Variants in DOCK3 observed in about 807,000 individuals in gnomAD.
DOCK3 encodes the protein dedicator of cytokinesis protein 3.
DOCK3 carries 60 observed loss-of-function variants against 265.6 expected under a neutral mutation model. That is an observed-to-expected ratio of 0.23 (90% CI 0.18 to 0.28). The LOEUF (loss-of-function observed/expected upper bound fraction) is 0.28, where lower values mean the gene tolerates loss of function less well. Ranked by LOEUF, DOCK3 falls within the 10% of genes least tolerant of loss-of-function variation. The pLI, the probability that DOCK3 is intolerant of heterozygous loss-of-function variation, is 1.00. For missense variants in DOCK3, 1,981 were observed against 2,594.3 expected, an observed-to-expected ratio of 0.76 and a Z score of 5.14; for synonymous variants, 881 against 938.0, an observed-to-expected ratio of 0.94 and a Z score of 1.11.
intron 12 of DOCK3, among the ~76,000 whole-genome samples, chr3:51,204,890 A>G (rs1035948356): frequency 2.6e-5 from 4 of 152,068 alleles, no homozygotes; most frequent in African/African-American, 9.7e-5. Flanking sequence ...ATTGGAAATC[A>G]TCATTCTCAG....
Position 51,373,186 on chromosome 3 carries a change from G to A in DOCK3, c.5294-1283G>A, listed in dbSNP as rs188554044. Among the ~76,000 whole-genome samples the A allele has an allele frequency of 7.2e-5, 11 of 152,312 alleles. No individual in the cohort carries two copies. In the East Asian group the frequency reaches 1.7e-3, roughly 24 times the overall value. ...CTTTGGCAAGCTGGCTGAAGAAGACGTATTTTTAGCTGTGTCCTGACAGTG... is the reference window on the plus strand; with the variant it reads ...CTTTGGCAAGCTGGCTGAAGAAGACATATTTTTAGCTGTGTCCTGACAGTG... On this transcript the variant is annotated intron_variant, in intron 49 of 52. Coordinates refer to ENST00000266037, the MANE Select transcript of DOCK3 (RefSeq NM_004947.5).
At chr3:50,954,828 T>C (rs2076686479) in intron 5 of DOCK3, among the ~76,000 whole-genome samples, 1 of 152,154 alleles carries the variant, frequency 6.6e-6, no homozygotes, top group African/African-American at 2.4e-5. Context: ...TTAAGTTTAA[T>C]TAGATCCTAT....
In DOCK3 at chr3:51,260,223, T is replaced by C. The variant is rs527531549; in HGVS notation, c.2252T>C (p.Met751Thr). ...CTGTACTCACGAGCCACTTGTGGAA[T>C]GGAAGAGGAACAATTCAGATCCAGT... ...RILYSRATCG[M>T]EEEQFRSSIQ... is the part of the protein sequence containing the mutation. Residue 751 changes from methionine to threonine, a missense_variant, in exon 23 of 53, where the codon ATG (methionine) becomes ACG (threonine). By Grantham distance (81) the Met-to-Thr change is moderately conservative. Around this residue, in one of 4 missense-constraint regions of DOCK3, gnomAD observed 1,357 missense variants for 1,866.8 expected, o/e 0.73. Coordinates refer to ENST00000266037, the MANE Select transcript of DOCK3 (RefSeq NM_004947.5). 2 of 1,613,836 alleles carry C rather than the reference T, an allele frequency of 1.2e-6. No homozygotes were observed. Among genetic ancestry groups the C allele is most frequent in the Non-Finnish European group, 1.7e-6 (2 of 1,179,886 alleles).
At chr3:51,293,817 T>C (rs1032863971) in intron 27 of DOCK3, among the ~76,000 whole-genome samples, 1 of 152,170 alleles carries the variant, frequency 6.6e-6, no homozygotes, top group Non-Finnish European at 1.5e-5. Flanking sequence ...GAGTAGACAT[T>C]TCTTAAAAGA....
At chr3:50,743,085 C>A (rs1330984700) in intron 1 of DOCK3, among the ~76,000 whole-genome samples, 1 of 151,750 alleles carries the variant, frequency 6.6e-6, no homozygotes, top group Non-Finnish European at 1.5e-5. Context: ...TCATATCCAG[C>A]CAAACTAAGC....
chr3:50,998,382 A>G (rs751726979), intron 5 of DOCK3, among the ~76,000 whole-genome samples: 4 of 152,214 alleles, frequency 2.6e-5, no homozygotes, highest in Non-Finnish European at 5.9e-5. Context: ...GATTTGTTTA[A>G]GAAAAAACAA....
intron 5 of DOCK3, among the ~76,000 whole-genome samples, chr3:51,052,554 A>G (rs1022725733): frequency 3.3e-5 from 5 of 152,204 alleles, no homozygotes; most frequent in East Asian, 1.9e-4. Context: ...TTAACGCAAC[A>G]TAATGCCTTT....
intron 4 of DOCK3, among the ~76,000 whole-genome samples, chr3:50,904,582 T>C (rs1019559515): frequency 6.6e-6 from 1 of 152,244 alleles, no homozygotes; most frequent in African/African-American, 2.4e-5. Context: ...TGTCTGTTCA[T>C]ATCCTTTGCC....
At chr3:50,887,115 G>A (rs1475486570) in intron 3 of DOCK3, among the ~76,000 whole-genome samples, 1 of 152,000 alleles carries the variant, frequency 6.6e-6, no homozygotes, top group Non-Finnish European at 1.5e-5. Flanking sequence ...TAGACTGCTA[G>A]CAAGACTAAT....
intron 5 of DOCK3, among the ~76,000 whole-genome samples, chr3:50,969,962 C>T (rs1476914718): frequency 6.6e-6 from 1 of 152,144 alleles, no homozygotes; most frequent in Non-Finnish European, 1.5e-5. Flanking sequence ...GTCCCAGCTA[C>T]TCTGGAGGCT....
At chr3:50,681,114 T>TA (rs2034374403) in intron 1 of DOCK3, among the ~76,000 whole-genome samples, 1 of 152,184 alleles carries the variant, frequency 6.6e-6, no homozygotes, top group Non-Finnish European at 1.5e-5. Context: ...TTTAAGTTTT[T>TA]AATCATCTTA....
At chr3:51,249,161 G>GCC (rs530870467) in intron 22 of DOCK3, among the ~76,000 whole-genome samples, 6,493 of 118,084 alleles carry the variant, frequency 0.055, 240 homozygotes, top group Non-Finnish European at 0.075. Flanking sequence ...GGGGGGGTCA[G>GCC]CCCCCCGCCA....
chr3:50,787,778 C>T (rs1221154336), intron 2 of DOCK3: 2 of 1,133,922 alleles, frequency 1.8e-6, no homozygotes, highest in African/African-American at 1.5e-5. Context: ...TTATCATTCT[C>T]TCCATAGTCA....
intron 2 of DOCK3, among the ~76,000 whole-genome samples, chr3:50,811,216 C>A (rs1425635251): frequency 2.4e-5 from 2 of 84,372 alleles, no homozygotes; most frequent in African/African-American, 7.3e-5. Context: ...AGTGAGAGAC[C>A]CTGTCTCTAT....
chr3:50,680,584 T>C (rs2034336107), intron 1 of DOCK3, among the ~76,000 whole-genome samples: 1 of 148,978 alleles, frequency 6.7e-6, no homozygotes, highest in Non-Finnish European at 1.5e-5. Context: ...TATGGCATGA[T>C]CGTAGCTCAT....
chr3:51,002,826 C>T (rs988701176), intron 5 of DOCK3, among the ~76,000 whole-genome samples: 2 of 152,170 alleles, frequency 1.3e-5, no homozygotes, highest in African/African-American at 4.8e-5. Flanking sequence ...ATTACATTTC[C>T]ACTTGTTATG....
At chr3:51,321,070 A>G (rs571499211) in intron 32 of DOCK3, among the ~76,000 whole-genome samples, 1 of 152,306 alleles carries the variant, frequency 6.6e-6, no homozygotes, top group East Asian at 1.9e-4. Context: ...TACCTCATAC[A>G]GGAGAGCTCT....
At chr3:51,057,802 A>G (rs1247248056) in intron 5 of DOCK3, among the ~76,000 whole-genome samples, 3 of 152,192 alleles carry the variant, frequency 2.0e-5, no homozygotes, top group Non-Finnish European at 2.9e-5. Flanking sequence ...ATTGGTTATA[A>G]TAACAGTGCT....
At chr3:51,168,916 A>G (rs1003530152) in intron 12 of DOCK3, among the ~76,000 whole-genome samples, 29 of 151,408 alleles carry the variant, frequency 1.9e-4, no homozygotes, top group African/African-American at 6.4e-4. Context: ...GCCATTAAAA[A>G]CTGGGCAAAG....
Sources: gnomAD v4.1 joint callset for allele counts (sites outside exome capture counted in the v4.1 genomes callset) on GRCh38, gnomAD v4.1.1 for gene constraint, gnomAD v4.1.1 regional missense constraint, MANE v1.5 for transcripts, NCBI Gene and HGNC (gene_info 2026-07-23, HGNC 2026-07-21) for gene names.